ANKDD1B: variants seen among roughly 807,000 people sequenced by gnomAD.
The protein encoded by ANKDD1B is ankyrin repeat and death domain-containing protein 1B.
Under a neutral mutation model 59.7 loss-of-function variants are expected in ANKDD1B, and 57 were observed. That is an observed-to-expected ratio of 0.95 (90% CI 0.77 to 1.19). The LOEUF is 1.19. ANKDD1B is among the 50% of genes most tolerant of loss of function. The pLI, the probability that ANKDD1B is intolerant of heterozygous loss-of-function variation, is 0.00. For missense variants in ANKDD1B, 602 were observed against 641.9 expected (o/e 0.94, Z 0.67); for synonymous variants, 216 against 239.5 (o/e 0.90, Z 0.91).
At chr5:75,621,562 C>T (rs1307724175) in intron 3 of ANKDD1B, among the ~76,000 whole-genome samples, 1 of 152,046 alleles carries the variant, frequency 6.6e-6, no homozygotes, top group African/African-American at 2.4e-5. Context: ...GTGGCAGAGA[C>T]AGAGTGGACT....
intron 3 of ANKDD1B, 86 bp from the exon 4 acceptor site, chr5:75,625,561 T>C (rs753803667): frequency 4.3e-6 from 4 of 927,356 alleles, no homozygotes; most frequent in Non-Finnish European, 6.5e-6. Flanking sequence ...AACAATCTAG[T>C]ATTAATTTGG....
At chr5:75,652,015 C>A (rs1774845753) in intron 7 of ANKDD1B, among the ~76,000 whole-genome samples, 1 of 152,162 alleles carries the variant, frequency 6.6e-6, no homozygotes, top group African/African-American at 2.4e-5. Flanking sequence ...CAGGGTTCAT[C>A]TGGATTCAAA....
At position 75,616,823 on chromosome 5, in the gene ANKDD1B, C is replaced by G; in HGVS notation, c.213C>G (p.Ser71Arg). Reference protein sequence around the residue: ...GHELLLPNERSFQNAAKSNNL... With the variant: ...GHELLLPNERRFQNAAKSNNL... Reference sequence around the variant, plus strand: ...TTTCAGTACTCCCAAATGAGAGAAGCTTTCAGAATGCTGCTAAAAGCAATA... The same window carrying G: ...TTTCAGTACTCCCAAATGAGAGAAGGTTTCAGAATGCTGCTAAAAGCAATA... The change falls in exon 2 of 14, where the codon AGC becomes AGG. Residue 71 changes from serine to arginine, a missense_variant. Physicochemically the swap from Ser to Arg is moderately radical, Grantham distance 110 (BLOSUM62 -1). This residue lies in a region of ANKDD1B where 317 missense variants were observed against 304.6 expected (regional missense o/e 1.04). Transcript: ENST00000601380. 2.0e-6 allele frequency: 3 copies of G among 1,525,460 alleles called. No individual in the cohort carries two copies. Among genetic ancestry groups the G allele is most frequent in the Non-Finnish European group, 2.6e-6 (3 of 1,138,318 alleles). The allele number at this position is 1,525,460 out of a possible 1,614,324, so 94.5% of individuals were successfully genotyped here. A position where few individuals can be genotyped will look rare whatever the true frequency, so the allele number is the denominator to read the frequency against.
chr5:75,625,360 T>C (rs901977169), intron 3 of ANKDD1B, among the ~76,000 whole-genome samples: 5 of 152,206 alleles, frequency 3.3e-5, no homozygotes, highest in African/African-American at 9.6e-5. Flanking sequence ...TACATTATAG[T>C]CTGGATTTTA....
intron 1 of ANKDD1B, 43 bp downstream of exon 1, chr5:75,611,870 G>A: frequency 2.4e-6 from 3 of 1,227,084 alleles, no homozygotes; most frequent in Non-Finnish European, 3.0e-6. Context: ...GCTGCGGGGC[G>A]GGCTGGGTCG....
intron 5 of ANKDD1B, among the ~76,000 whole-genome samples, chr5:75,626,881 T>C (rs956557714): frequency 6.6e-6 from 1 of 152,156 alleles, no homozygotes; most frequent in Non-Finnish European, 1.5e-5. Context: ...ACTTCATGAA[T>C]GGGATTTCCT....
At chr5:75,667,414 T>C (rs899795573) in intron 12 of ANKDD1B, among the ~76,000 whole-genome samples, 1 of 152,222 alleles carries the variant, frequency 6.6e-6, no homozygotes. Context: ...ATAGGCTCGC[T>C]GTTTAAGTCT....
intron 5 of ANKDD1B, among the ~76,000 whole-genome samples, chr5:75,632,777 C>T (rs373596034): frequency 5.3e-4 from 81 of 152,308 alleles, no homozygotes; most frequent in African/African-American, 1.6e-3. Flanking sequence ...AAGCAGCACT[C>T]GGTTACTACA....
intron 1 of ANKDD1B, among the ~76,000 whole-genome samples, chr5:75,612,102 CT>C: frequency 6.6e-6 from 1 of 152,256 alleles, no homozygotes; most frequent in East Asian, 1.9e-4. Context: ...TGATTAAGTC[CT>C]TTTGCAAATA....
At chr5:75,651,282 C>G (rs578216939) in intron 7 of ANKDD1B, among the ~76,000 whole-genome samples, 1 of 152,372 alleles carries the variant, frequency 6.6e-6, no homozygotes, top group Non-Finnish European at 1.5e-5. Context: ...CAATCTCCAA[C>G]AGCATCCTTA....
chr5:75,657,619 C>A (rs577893857), intron 9 of ANKDD1B, among the ~76,000 whole-genome samples: 1 of 152,046 alleles, frequency 6.6e-6, no homozygotes, highest in Non-Finnish European at 1.5e-5. Flanking sequence ...TTAAGAAATG[C>A]TTTTTGGGGC....
chr5:75,644,009 T>A, intron 7 of ANKDD1B, among the ~76,000 whole-genome samples: 2 of 88,156 alleles, frequency 2.3e-5, no homozygotes, highest in Admixed American at 1.2e-4. Flanking sequence ...GCTTCATAAG[T>A]GAAGGAGAAA....
At chr5:75,660,190 T>C (rs1246763021) in intron 10 of ANKDD1B, among the ~76,000 whole-genome samples, 1 of 152,222 alleles carries the variant, frequency 6.6e-6, no homozygotes, top group East Asian at 1.9e-4. Flanking sequence ...GTTATGCAAT[T>C]GGTCTCCAAA....
intron 5 of ANKDD1B, among the ~76,000 whole-genome samples, chr5:75,629,750 G>A (rs1457911281): frequency 6.6e-6 from 1 of 151,820 alleles, no homozygotes; most frequent in Non-Finnish European, 1.5e-5. Context: ...AGCCTGGGAA[G>A]CATGGTGAAA....
At chr5:75,623,281 T>C (rs1773904285) in intron 3 of ANKDD1B, among the ~76,000 whole-genome samples, 3 of 152,132 alleles carry the variant, frequency 2.0e-5, no homozygotes, top group Admixed American at 6.6e-5. Context: ...GTCAGGTTGG[T>C]CTCGAACTCC....
chr5:75,633,380 G>A (rs1361438944), intron 5 of ANKDD1B, among the ~76,000 whole-genome samples: 1 of 152,148 alleles, frequency 6.6e-6, no homozygotes, highest in Non-Finnish European at 1.5e-5. Context: ...GATCTTTATA[G>A]ATTTGTTTTT....
At chr5:75,630,629 G>A (rs1322992971) in intron 5 of ANKDD1B, among the ~76,000 whole-genome samples, 1 of 152,226 alleles carries the variant, frequency 6.6e-6, no homozygotes, top group African/African-American at 2.4e-5. Context: ...AAGTTGAACA[G>A]ATTAGTATTG....
At chr5:75,620,057 A>G (rs1274418883) in intron 2 of ANKDD1B, among the ~76,000 whole-genome samples, 3 of 152,244 alleles carry the variant, frequency 2.0e-5, no homozygotes, top group Admixed American at 6.5e-5. Context: ...ACAATACAGT[A>G]CAATATAAGC....
chr5:75,611,662 C>G lies in ANKDD1B; in HGVS notation c.28C>G (p.Gln10Glu). 14 of 1,231,534 alleles carry G rather than the reference C, an allele frequency of 1.1e-5. No homozygotes were observed. Among genetic ancestry groups the G allele is most frequent in the Non-Finnish European group, 1.4e-5 (14 of 987,924 alleles). The allele number at this position is 1,231,534 out of a possible 1,614,324, so 76.3% of individuals were successfully genotyped here. A position where few individuals can be genotyped will look rare whatever the true frequency, so the allele number is the denominator to read the frequency against. The part of the protein sequence containing the change: MDPAGRARG[Q>E]GATAGGLLLR... ...GGACCCCGCCGGGCGCGCCCGGGGCCAAGGGGCCACGGCAGGGGGGCTGCT... is the reference window on the plus strand; with the variant it reads ...GGACCCCGCCGGGCGCGCCCGGGGCGAAGGGGCCACGGCAGGGGGGCTGCT... Residue 10 changes from glutamine to glutamate, a missense_variant, in exon 1 of 14, where the codon CAA (glutamine) becomes GAA (glutamate). Physicochemically the swap from Gln to Glu is conservative, Grantham distance 29. Around this residue, in one of 3 missense-constraint regions of ANKDD1B, gnomAD observed 317 missense variants for 304.6 expected, o/e 1.04. Coordinates refer to ENST00000601380, the MANE Select transcript of ANKDD1B (RefSeq NM_001276713.2).
Sources: gnomAD v4.1 joint callset for allele counts (sites outside exome capture counted in the v4.1 genomes callset) on GRCh38, gnomAD v4.1.1 for gene constraint, gnomAD v4.1.1 regional missense constraint, MANE v1.5 for transcripts, NCBI Gene and HGNC (gene_info 2026-07-23, HGNC 2026-07-21) for gene names.